TECTA: variants seen among roughly 807,000 people sequenced by gnomAD.
The protein encoded by TECTA is tectorin alpha.
TECTA carries 128 observed loss-of-function variants against 216.8 expected under a neutral mutation model. The observed-to-expected ratio is 0.59, with a 90% CI of 0.51 to 0.68. The LOEUF (loss-of-function observed/expected upper bound fraction) is 0.68, where lower values mean the gene tolerates loss of function less well. Ranked by LOEUF, TECTA falls within the 30% of genes least tolerant of loss-of-function variation. The probability of loss-of-function intolerance (pLI) is 0.00; values close to 1 mark genes in which losing one functional copy is unlikely to be tolerated. For synonymous variants in TECTA, 1,089 were observed against 1,117.1 expected, an observed-to-expected ratio of 0.97 and a Z score of 0.50; for missense variants, 2,551 against 2,786.2, an observed-to-expected ratio of 0.92 and a Z score of 1.90.
intron 15 of TECTA, 103 bp from the exon 16 acceptor site, chr11:121,161,972 G>C: frequency 1.2e-5 from 17 of 1,437,346 alleles, no homozygotes; most frequent in Middle Eastern, 2.4e-4. Flanking sequence ...TGTTGGAATT[G>C]GCACAATGCA....
Position 121,127,855 on chromosome 11 carries a change from G to T in TECTA, c.1878G>T (p.Pro626=). Residue 626 remains proline, a synonymous_variant, in exon 9 of 24, where the codon CCG becomes CCT. Coordinates refer to ENST00000392793, the MANE Select transcript of TECTA (RefSeq NM_005422.4). The surrounding 1 kb of genome is among the most constrained non-coding windows in gnomAD (Gnocchi z 5.0). The part of the protein sequence containing the change: ...DLTASRNCAT[P]CTEGCECNQG... ...CGGCCTCGCGGAACTGCGCCACGCC[G>T]TGCACAGAGGGCTGCGAGTGCAACC... The T allele has an allele frequency of 6.2e-7, 1 of 1,614,010 alleles. No individual in the cohort carries two copies. The highest frequency in any genetic ancestry group is 1.3e-5 in the African/African-American group (1 of 75,048).
intron 7 of TECTA, among the ~76,000 whole-genome samples, chr11:121,121,441 T>A (rs1314599198): frequency 1.3e-5 from 2 of 152,122 alleles, no homozygotes; most frequent in African/African-American, 4.8e-5. Flanking sequence ...TAACCATAGG[T>A]TGAGGACAGG....
rs767106083 is a variant in TECTA, at chr11:121,146,024, T to A, written c.4013T>A (p.Val1338Glu). The A allele has an allele frequency of 1.2e-6, 2 of 1,614,062 alleles. No individual in the cohort carries two copies. The highest frequency in any genetic ancestry group is 1.7e-6 in the Non-Finnish European group (2 of 1,180,040). Reference protein sequence around the residue: ...LFDSCIDGGAVQTACSWLQNY... With the variant: ...LFDSCIDGGAEQTACSWLQNY... ...GACTCTTGCATCGATGGGGGCGCGG[T>A]GCAGACCGCCTGCAGCTGGCTGCAG... Residue 1338 changes from valine to glutamate, a missense_variant, in exon 12 of 24, where the codon GTG becomes GAG. Physicochemically the swap from Val to Glu is moderately radical, Grantham distance 121. This residue lies in a region of TECTA where 2,375 missense variants were observed against 2,563.9 expected (regional missense o/e 0.93). Coordinates refer to ENST00000392793, the MANE Select transcript of TECTA (RefSeq NM_005422.4).
chr11:121,157,217 C>T (rs927610693), intron 13 of TECTA, among the ~76,000 whole-genome samples: 1 of 152,144 alleles, frequency 6.6e-6, no homozygotes, highest in African/African-American at 2.4e-5. Flanking sequence ...AATATTCTTC[C>T]TCTTTACCTA....
chr11:121,118,803 C>G (rs1946527067), intron 7 of TECTA, 85 bp downstream of exon 7: 2 of 1,537,908 alleles, frequency 1.3e-6, no homozygotes, highest in Admixed American at 3.4e-5. Flanking sequence ...TCTACTGGTT[C>G]TGCTGTTTGT....
At chr11:121,189,224 T>C in intron 22 of TECTA, 57 bp downstream of exon 22, 1 of 1,573,762 alleles carries the variant, frequency 6.4e-7, no homozygotes, top group Non-Finnish European at 8.7e-7. Flanking sequence ...ATTTCAAGGC[T>C]CAGATGTGTT....
At chr11:121,126,500 T>C (rs1156776420) in intron 8 of TECTA, among the ~76,000 whole-genome samples, 1 of 152,234 alleles carries the variant, frequency 6.6e-6, no homozygotes, top group East Asian at 1.9e-4. Flanking sequence ...TCTTAGTACT[T>C]TTTCCCTGTA....
intron 10 of TECTA, among the ~76,000 whole-genome samples, chr11:121,136,241 T>C (rs950563189): frequency 2.0e-5 from 3 of 152,116 alleles, no homozygotes; most frequent in African/African-American, 7.2e-5. Context: ...GATTTACAAG[T>C]GTGTGCTGTG....
In TECTA at chr11:121,126,024, A is replaced by G. The variant is rs923832493; in HGVS notation, c.1774+152A>G. 9 of 976,572 alleles carry G rather than the reference A, an allele frequency of 9.2e-6. No homozygotes were observed. In the African/African-American group the frequency reaches 1.4e-4, roughly 16 times the overall value. 60.5% of individuals were successfully genotyped at this position (976,572 alleles called of 1,614,324 possible). A position where few individuals can be genotyped will look rare whatever the true frequency, so the allele number is the denominator to read the frequency against. On this transcript the variant is annotated intron_variant, in intron 8 of 23. Transcript: ENST00000392793. Reference sequence around the variant, plus strand: ...ACAAATTACAAAGAACGAATTGTGAAAGGATCTTTACTTTTGCCCCCACCT... The same window carrying G: ...ACAAATTACAAAGAACGAATTGTGAGAGGATCTTTACTTTTGCCCCCACCT...
In TECTA at chr11:121,187,818, T is replaced by C. The variant is rs761601098; in HGVS notation, c.6000-14T>C. On this transcript the variant is annotated splice_polypyrimidine_tract_variant and intron_variant, in intron 20 of 23. Coordinates refer to ENST00000392793, the MANE Select transcript of TECTA (RefSeq NM_005422.4). ...AACATGTGAAGCAAAGATTCCATTATTTTTTCTGAATAGGTGTCAGAACCT... is the reference window on the plus strand; with the variant it reads ...AACATGTGAAGCAAAGATTCCATTACTTTTTCTGAATAGGTGTCAGAACCT... 29 of 1,614,084 alleles carry C rather than the reference T, an allele frequency of 1.8e-5. No individual in the cohort carries two copies. The highest frequency in any genetic ancestry group is 2.7e-5 in the African/African-American group (2 of 74,940).
At chr11:121,188,034 C>T in intron 21 of TECTA, 40 bp downstream of exon 21, 1 of 1,611,550 alleles carries the variant, frequency 6.2e-7, no homozygotes. Flanking sequence ...AGCCTTATTT[C>T]TCACTGTCTT....
Position 121,168,086 on chromosome 11 carries a change from A to C in TECTA, c.5619A>C (p.Thr1873=). Residue 1873 remains threonine, a synonymous_variant, in exon 19 of 24, where the codon ACA becomes ACC. Coordinates refer to ENST00000392793, the MANE Select transcript of TECTA (RefSeq NM_005422.4). ...GCACGCATATCATGTATAAAAACAC[A>C]CTCTGGATCGAAAGCGCCAACAACA... ...SNGTHIMYKN[T]LWIESANNTG... 6.2e-7 allele frequency: 1 copy of C among 1,614,104 alleles called. No individual in the cohort carries two copies.
chr11:121,128,050 C>G lies in TECTA; in HGVS notation c.2073C>G (p.Gly691=), dbSNP rs1946631800. 31 of 1,612,626 alleles carry G rather than the reference C, an allele frequency of 1.9e-5. No homozygotes were observed. The highest frequency in any genetic ancestry group is 2.6e-5 in the Non-Finnish European group (31 of 1,179,376). ...GDVYCFNKTC[G]SGEVCAVEDG... ...TCTACTGCTTCAACAAGACCTGCGG[C>G]AGCGGGGAGGTGTGCGCCGTGGAGG... Residue 691 remains glycine, a synonymous_variant, in exon 9 of 24, where the codon GGC becomes GGG. Transcript: ENST00000392793.
chr11:121,153,020 CG>C lies in TECTA; in HGVS notation c.4247del (p.Gly1416AlafsTer41). ...CHCDAGYVLN[G>X]KSCILPHSCG... ...ACTGCGACGCTGGCTACGTCCTCAA[CG>C]GCAAGAGCTGCATCCTGCCCCACAG... On this transcript the variant is annotated frameshift_variant, in exon 13 of 24. Transcript: ENST00000392793. LOFTEE classifies it high-confidence loss of function. 1 of 1,614,196 alleles carries C rather than the reference CG, an allele frequency of 6.2e-7. No homozygotes were observed. Among genetic ancestry groups the C allele is most frequent in the African/African-American group, 1.3e-5 (1 of 75,072 alleles).
At position 121,128,266 on chromosome 11, in the gene TECTA, T is replaced by C; in HGVS notation, c.2289T>C (p.Pro763=). The change falls in exon 9 of 24, where the codon CCT becomes CCC. Residue 763 remains proline, a synonymous_variant. Transcript: ENST00000392793. ...DINKKKPDAG[P]AWLRGLRILV... is the part of the protein sequence containing the mutation. The stretch of plus-strand genomic sequence containing the variant: ...ACAAGAAGAAGCCCGATGCAGGACC[T>C]GCTTGGCTGCGGGGACTTCGGATCC... 1 of 1,599,922 alleles carries C rather than the reference T, an allele frequency of 6.3e-7. No individual in the cohort carries two copies. Among genetic ancestry groups the C allele is most frequent in the Non-Finnish European group, 8.5e-7 (1 of 1,179,946 alleles).
At chr11:121,146,778 C>T (rs1946842518) in intron 12 of TECTA, among the ~76,000 whole-genome samples, 6 of 152,178 alleles carry the variant, frequency 3.9e-5, no homozygotes, top group Admixed American at 3.3e-4. Context: ...TAATTGAAAG[C>T]CAGGCACACT....
intron 10 of TECTA, among the ~76,000 whole-genome samples, chr11:121,131,083 G>A (rs1161811388): frequency 2.6e-5 from 4 of 151,890 alleles, no homozygotes; most frequent in East Asian, 3.9e-4. Context: ...GCGTGGTGGC[G>A]GGGGCCTGTG....
At position 121,145,587 on chromosome 11, in the gene TECTA, G is replaced by A; in HGVS notation, c.3576G>A (p.Lys1192=). Residue 1192 remains lysine (K), a synonymous_variant, in exon 12 of 24, where the codon AAG becomes AAA. Transcript: ENST00000392793. The part of the protein sequence containing the change: ...VNSERLYLPL[K]LGQGKINIFS... ...GTGAACGGCTCTATCTGCCCCTGAA[G>A]CTGGGGCAAGGGAAGATAAATATCT... 1 of 1,614,222 alleles carries A rather than the reference G, an allele frequency of 6.2e-7. No homozygotes were observed. The highest frequency in any genetic ancestry group is 8.5e-7 in the Non-Finnish European group (1 of 1,180,042).
At chr11:121,185,079 A>G (rs997041049) in intron 20 of TECTA, among the ~76,000 whole-genome samples, 2 of 152,250 alleles carry the variant, frequency 1.3e-5, no homozygotes, top group African/African-American at 4.8e-5. Flanking sequence ...GACTTGACCC[A>G]GAGAGGGAGA....
Sources: gnomAD v4.1 joint callset for allele counts (sites outside exome capture counted in the v4.1 genomes callset) on GRCh38, gnomAD v4.1.1 for gene constraint, gnomAD v4.1.1 regional missense constraint, Gnocchi (gnomAD v3.1) non-coding constraint, MANE v1.5 for transcripts, NCBI Gene and HGNC (gene_info 2026-07-23, HGNC 2026-07-21) for gene names.